The following PRELID2 variants were observed in gnomAD, a reference collection of about 807,000 sequenced individuals.
PRELID2 encodes the protein PRELI domain-containing protein 2.
Under a neutral mutation model 28.4 loss-of-function variants are expected in PRELID2, and 25 were observed. That is an observed-to-expected ratio of 0.88 (90% confidence interval 0.64 to 1.23). PRELID2 has a LOEUF of 1.23. Ranked by LOEUF, PRELID2 falls within the 50% of genes most tolerant of loss-of-function variation. The pLI, the probability that PRELID2 is intolerant of heterozygous loss-of-function variation, is 0.00. For synonymous variants in PRELID2, 76 were observed against 71.6 expected (o/e 1.06, Z -0.31); for missense variants, 201 against 214.4 (o/e 0.94, Z 0.39).
intron 1 of PRELID2, among the ~76,000 whole-genome samples, chr5:145,505,735 A>T (rs186603639): frequency 6.6e-6 from 1 of 152,334 alleles, no homozygotes; most frequent in East Asian, 1.9e-4. Context: ...AATAGCCAAG[A>T]TGTGGAAAAG....
chr5:145,449,325 T>A, the PRELID2 span, among the ~76,000 whole-genome samples: 1 of 152,042 alleles, frequency 6.6e-6, no homozygotes, highest in Admixed American at 6.6e-5. Flanking sequence ...GGAGGGACTC[T>A]CACTGGGATG....
chr5:145,398,714 G>A, the PRELID2 span, among the ~76,000 whole-genome samples: 1 of 152,080 alleles, frequency 6.6e-6, no homozygotes, highest in Non-Finnish European at 1.5e-5. Flanking sequence ...CCAAGTGGGA[G>A]AGACAAATAG....
the PRELID2 span, among the ~76,000 whole-genome samples, chr5:145,315,130 C>T: frequency 0.088 from 12,000 of 136,778 alleles, 642 homozygotes; most frequent in African/African-American, 0.17. Context: ...AGTGCAATGG[C>T]GTGATCTCAG....
intron 5 of PRELID2, among the ~76,000 whole-genome samples, chr5:145,786,463 G>A (rs990861157): frequency 1.3e-5 from 2 of 152,200 alleles, no homozygotes; most frequent in African/African-American, 4.8e-5. Context: ...AGGCCCATGT[G>A]GCAAGGAACC....
At chr5:145,288,924 C>T in the PRELID2 span, among the ~76,000 whole-genome samples, 1 of 152,130 alleles carries the variant, frequency 6.6e-6, no homozygotes, top group South Asian at 2.1e-4. Context: ...TATCATATTG[C>T]TAACAGATAG....
the PRELID2 span, among the ~76,000 whole-genome samples, chr5:145,264,580 G>A: frequency 1.3e-5 from 2 of 151,906 alleles, no homozygotes; most frequent in African/African-American, 2.4e-5. Flanking sequence ...AGAGAACTTC[G>A]ACAGGACAAG....
chr5:145,386,856 T>C, the PRELID2 span, among the ~76,000 whole-genome samples: 1 of 152,210 alleles, frequency 6.6e-6, no homozygotes, highest in Admixed American at 6.5e-5. Context: ...TAATGTTGCA[T>C]TTCAAGAAAT....
intron 1 of PRELID2, among the ~76,000 whole-genome samples, chr5:145,724,540 A>G (rs1327552857): frequency 7.1e-6 from 1 of 140,482 alleles, no homozygotes; most frequent in East Asian, 2.1e-4. Flanking sequence ...CCATACTTAT[A>G]CTTTTGTTAT....
the PRELID2 span, among the ~76,000 whole-genome samples, chr5:145,465,955 A>G: frequency 1.2e-4 from 18 of 152,148 alleles, no homozygotes; most frequent in African/African-American, 4.1e-4. Flanking sequence ...ATTTCTGACA[A>G]TCTGACCATC....
the PRELID2 span, among the ~76,000 whole-genome samples, chr5:145,402,738 A>C: frequency 2.6e-5 from 4 of 152,196 alleles, no homozygotes; most frequent in Admixed American, 6.6e-5. Flanking sequence ...AGTGTCTGCC[A>C]TATGTGAGTT....
In PRELID2 at chr5:145,728,784, G is replaced by C; in HGVS notation, n.70+36147C>G. The C allele has an allele frequency of 3.4e-6, 4 of 1,181,074 alleles. No individual in the cohort carries two copies. In the South Asian group the frequency reaches 3.6e-5, roughly 11 times the overall value. 73.2% of individuals were successfully genotyped at this position (1,181,074 alleles called of 1,614,324 possible). ...ATTTTGTTTTGCACCAATGTAGTAG[G>C]AGTAGAAGTTGTACGTTCCAATCAT... On this transcript the variant is annotated intron_variant and non_coding_transcript_variant, in intron 1 of 2. Transcript: ENST00000510259.
the PRELID2 span, among the ~76,000 whole-genome samples, chr5:145,279,014 A>G: frequency 1.3e-5 from 2 of 152,282 alleles, no homozygotes; most frequent in Non-Finnish European, 2.9e-5. Flanking sequence ...GCAGAGTAAC[A>G]GGAGCCGGCT....
intron 1 of PRELID2, among the ~76,000 whole-genome samples, chr5:145,647,892 G>C (rs1352629719): frequency 6.6e-6 from 1 of 152,150 alleles, no homozygotes; most frequent in Non-Finnish European, 1.5e-5. Context: ...GTCCCAATGA[G>C]ATGAACTGGG....
At chr5:145,428,427 G>GA in the PRELID2 span, among the ~76,000 whole-genome samples, 694 of 150,580 alleles carry the variant, frequency 4.6e-3, 3 homozygotes, top group African/African-American at 0.016. Flanking sequence ...TATTCAAGTA[G>GA]AAAAAAAAAC....
chr5:145,466,705 A>G, the PRELID2 span, among the ~76,000 whole-genome samples: 2 of 152,138 alleles, frequency 1.3e-5, no homozygotes, highest in Admixed American at 1.3e-4. Context: ...TTTGGTAACA[A>G]ACAGATATAG....
chr5:145,514,585 T>G (rs1270030476), intron 1 of PRELID2, among the ~76,000 whole-genome samples: 1 of 152,116 alleles, frequency 6.6e-6, no homozygotes, highest in South Asian at 2.1e-4. Context: ...ATTAGACAGA[T>G]CAACAAGATA....
chr5:145,598,265 T>C (rs545559390), intron 1 of PRELID2, among the ~76,000 whole-genome samples: 1 of 152,184 alleles, frequency 6.6e-6, no homozygotes, highest in South Asian at 2.1e-4. Flanking sequence ...GGATGAGAGA[T>C]AAAGTTGGAG....
At chr5:145,410,633 C>T in the PRELID2 span, among the ~76,000 whole-genome samples, 1 of 151,998 alleles carries the variant, frequency 6.6e-6, no homozygotes, top group Non-Finnish European at 1.5e-5. Flanking sequence ...TGAGAACTCA[C>T]TCACTATCAT....
At chr5:145,621,192 ATCATTAAG>A (rs541356716) in intron 1 of PRELID2, among the ~76,000 whole-genome samples, 99 of 152,338 alleles carry the variant, frequency 6.5e-4, no homozygotes, top group Non-Finnish European at 1.1e-3. Flanking sequence ...ATTGTTTAAC[ATCATTAAG>A]TCATTAAGCA....
Sources: allele counts gnomAD v4.1 joint callset (sites outside exome capture counted in the v4.1 genomes callset), GRCh38; gene constraint gnomAD v4.1.1; transcripts MANE v1.5; gene names NCBI Gene and HGNC (gene_info 2026-07-23, HGNC 2026-07-21).